Variants in MGAT4C observed in about 807,000 individuals in gnomAD.
MGAT4C encodes the protein MGAT4 family member C, also known as alpha-1,3-mannosyl-glycoprotein 4-beta-N-acetylglucosaminyltransferase C.
MGAT4C carries 19 observed loss-of-function variants against 40.1 expected under a neutral mutation model. The observed-to-expected ratio is 0.47, with a 90% CI of 0.33 to 0.70. The LOEUF (loss-of-function observed/expected upper bound fraction) is 0.70, where lower values mean the gene tolerates loss of function less well. Ranked by LOEUF, MGAT4C falls within the 30% of genes least tolerant of loss-of-function variation. The pLI, the probability that MGAT4C is intolerant of heterozygous loss-of-function variation, is 0.02. For synonymous variants in MGAT4C, 181 were observed against 187.1 expected, an observed-to-expected ratio of 0.97 and a Z score of 0.27; for missense variants, 491 against 563.2, an observed-to-expected ratio of 0.87 and a Z score of 1.30.
intron 4 of MGAT4C, among the ~76,000 whole-genome samples, chr12:86,311,679 C>A (rs999811431): frequency 2.0e-5 from 3 of 152,158 alleles, no homozygotes; most frequent in African/African-American, 7.2e-5. Flanking sequence ...TGAATGTTGT[C>A]TTTAAATTAT....
At chr12:86,814,464 C>CATAATTATATTAATTCCAATTCCCTT (rs1952560995) in intron 1 of MGAT4C, among the ~76,000 whole-genome samples, 1 of 150,014 alleles carries the variant, frequency 6.7e-6, no homozygotes, top group Non-Finnish European at 1.5e-5. Flanking sequence ...ACTGAATTCT[C>CATAATTATATTAATTCCAATTCCCTT]ATAATTATAT....
rs1341199097 is a variant in MGAT4C at position 85,969,126 on chromosome 12, T to A, written c.*10163A>T. On this transcript the variant is annotated 3_prime_UTR_variant, in exon 5 of 5. Coordinates refer to ENST00000611864, the MANE Select transcript of MGAT4C (RefSeq NM_001351288.2). ...AGATTTACAGGGAAGAATTCAGTAG[T>A]CTGAAACACACATTTTCAATATATT... is the stretch of plus-strand genomic sequence containing the variant. The A allele has an allele frequency of 6.6e-6, 1 of 151,746 alleles. No homozygotes were observed. Among genetic ancestry groups the A allele is most frequent in the African/African-American group, 2.4e-5 (1 of 41,406 alleles). The allele number at this position is 151,746 out of a possible 1,614,324, so 9.4% of individuals were successfully genotyped here.
At position 86,525,991 on chromosome 12, in the gene MGAT4C, A is replaced by G. The variant is rs536023391; in HGVS notation, c.-228-90726T>C. ...TTGTTGGCTATGGCAGGGGGCCAGC[A>G]GGTGCTGGGGTGCCTGCCTCCATGC... On this transcript the variant is annotated intron_variant, in intron 2 of 7. Transcript: ENST00000548651. Among the ~76,000 whole-genome samples, 5 of 152,320 alleles carry G rather than the reference A, an allele frequency of 3.3e-5. No individual in the cohort carries two copies. The East Asian group carries it at 9.7e-4, about 29-fold the overall frequency.
chr12:86,354,285 A>AT (rs1292613870), intron 3 of MGAT4C, among the ~76,000 whole-genome samples: 4 of 152,226 alleles, frequency 2.6e-5, no homozygotes, highest in African/African-American at 9.6e-5. Context: ...TCTCCAGAAG[A>AT]TTTTAACAGG....
chr12:86,513,938 G>A (rs186167055), intron 2 of MGAT4C, among the ~76,000 whole-genome samples: 82 of 152,010 alleles, frequency 5.4e-4, no homozygotes, highest in African/African-American at 1.5e-3. Flanking sequence ...ACGAAAGGGG[G>A]CATAAAGGAT....
intron 3 of MGAT4C, among the ~76,000 whole-genome samples, chr12:86,366,964 G>A (rs540176473): frequency 2.6e-5 from 4 of 151,998 alleles, no homozygotes; most frequent in Admixed American, 2.6e-4. Flanking sequence ...ATGATAAATA[G>A]CATCTACAAA....
At chr12:86,219,177 T>A (rs927930498) in intron 1 of MGAT4C, among the ~76,000 whole-genome samples, 68 of 151,716 alleles carry the variant, frequency 4.5e-4, no homozygotes, top group Admixed American at 3.4e-3. Context: ...AGACTCCATC[T>A]CAAAAAAAGA....
rs112684578 is a variant in MGAT4C, at chr12:86,800,753, T to C, written c.-262+37913A>G. Among the ~76,000 whole-genome samples the C allele has an allele frequency of 9.7e-4, 148 of 152,046 alleles. 1 individual carries two copies. The highest frequency in any genetic ancestry group is 3.5e-3 in the African/African-American group (145 of 41,538). The stretch of plus-strand genomic sequence containing the variant: ...AAATTAGAACTGAGAGGTCAGAGTA[T>C]TGAAAAGAGCCTGACAAAGACTTTC... On this transcript the variant is annotated intron_variant, in intron 1 of 7. Coordinates refer to the MGAT4C transcript ENST00000548651.
At chr12:86,159,775 G>A (rs1885389769) in intron 1 of MGAT4C, among the ~76,000 whole-genome samples, 1 of 151,898 alleles carries the variant, frequency 6.6e-6, no homozygotes, top group Non-Finnish European at 1.5e-5. Context: ...TGTGCTTCCA[G>A]GAATTTACCC....
chr12:86,419,681 T>C (rs148564098), intron 3 of MGAT4C, among the ~76,000 whole-genome samples: 337 of 152,282 alleles, frequency 2.2e-3, no homozygotes, highest in Non-Finnish European at 4.0e-3. Flanking sequence ...TGGAGATGAA[T>C]GGACAAGGCC....
At chr12:86,626,071 G>A (rs765060824) in intron 2 of MGAT4C, among the ~76,000 whole-genome samples, 1 of 152,084 alleles carries the variant, frequency 6.6e-6, no homozygotes, top group East Asian at 1.9e-4. Flanking sequence ...AAAAGAATGG[G>A]GAAGTGGCTA....
At chr12:86,638,501 G>T (rs1178521865) in intron 2 of MGAT4C, among the ~76,000 whole-genome samples, 1 of 151,850 alleles carries the variant, frequency 6.6e-6, no homozygotes, top group Non-Finnish European at 1.5e-5. Flanking sequence ...GGACCTTCAT[G>T]ATGGGATTAG....
chr12:86,617,450 C>T (rs558903131), intron 2 of MGAT4C, among the ~76,000 whole-genome samples: 1 of 152,142 alleles, frequency 6.6e-6, no homozygotes, highest in East Asian at 1.9e-4. Context: ...AATGGATAAA[C>T]CACTTAAAAA....
chr12:86,315,854 C>T (rs1426026263), intron 4 of MGAT4C, among the ~76,000 whole-genome samples: 1 of 151,404 alleles, frequency 6.6e-6, no homozygotes. Context: ...CAAGTGGTAC[C>T]TCATTAAACT....
At chr12:86,667,859 A>C (rs1864752076) in intron 2 of MGAT4C, among the ~76,000 whole-genome samples, 1 of 152,214 alleles carries the variant, frequency 6.6e-6, no homozygotes, top group Non-Finnish European at 1.5e-5. Flanking sequence ...CCATAGTCTA[A>C]AATATAAAAT....
At chr12:86,299,695 T>C (rs1953764709) in intron 4 of MGAT4C, among the ~76,000 whole-genome samples, 1 of 152,178 alleles carries the variant, frequency 6.6e-6, no homozygotes, top group South Asian at 2.1e-4. Context: ...CTGTTTTTTG[T>C]TCAACATATT....
intron 4 of MGAT4C, among the ~76,000 whole-genome samples, chr12:86,278,596 T>C (rs1430442178): frequency 1.3e-5 from 2 of 152,248 alleles, no homozygotes; most frequent in Non-Finnish European, 2.9e-5. Flanking sequence ...TAGTAATTTC[T>C]TGGTGGAGTC....
At position 86,380,023 on chromosome 12, in the gene MGAT4C, C is replaced by T. The variant is rs972373946; in HGVS notation, c.-119-45896G>A. Among the ~76,000 whole-genome samples, 12 of 152,044 alleles carry T rather than the reference C, an allele frequency of 7.9e-5. No individual in the cohort carries two copies. In the East Asian group the frequency reaches 1.5e-3, roughly 20 times the overall value. On this transcript the variant is annotated intron_variant, in intron 3 of 7. Transcript: ENST00000548651. Reference sequence around the variant, plus strand: ...TTCACTCTATGAATTTTAAGTGTGGCGATATCCTAGGTATTATTTTCTGGG... The same window carrying T: ...TTCACTCTATGAATTTTAAGTGTGGTGATATCCTAGGTATTATTTTCTGGG...
intron 2 of MGAT4C, among the ~76,000 whole-genome samples, chr12:86,668,789 T>C (rs541866819): frequency 6.6e-6 from 1 of 152,262 alleles, no homozygotes; most frequent in Non-Finnish European, 1.5e-5. Flanking sequence ...TCCTGGGTGG[T>C]GGACTTGCTG....
Sources: gnomAD v4.1 joint callset for allele counts (sites outside exome capture counted in the v4.1 genomes callset) on GRCh38, gnomAD v4.1.1 for gene constraint, MANE v1.5 for transcripts, NCBI Gene and HGNC (gene_info 2026-07-23, HGNC 2026-07-21) for gene names.